Variants in STPG2 observed in about 807,000 individuals in gnomAD.
STPG2 encodes sperm tail PG-rich repeat containing 2.
In STPG2, 56 loss-of-function variants were observed where a neutral mutation model predicts 54.2. The ratio of observed to expected loss-of-function variants is 1.03; its 90% confidence interval spans 0.83 to 1.29. The LOEUF (loss-of-function observed/expected upper bound fraction) is 1.29. STPG2 is among the 50% of genes most tolerant of loss of function. The probability of loss-of-function intolerance (pLI) is 0.00; values close to 1 mark genes in which losing one functional copy is unlikely to be tolerated. For synonymous variants in STPG2, 200 were observed against 181.8 expected, an observed-to-expected ratio of 1.10 and a Z score of -0.81; for missense variants, 596 against 544.9, an observed-to-expected ratio of 1.09 and a Z score of -0.93.
At chr4:98,091,212 T>G (rs766547549) in intron 5 of STPG2, among the ~76,000 whole-genome samples, 28 of 152,192 alleles carry the variant, frequency 1.8e-4, no homozygotes, top group South Asian at 1.0e-3. Flanking sequence ...AGGCATTCAC[T>G]ATGTGAACCA....
rs149552582 is a variant in STPG2 at position 97,782,457 on chromosome 4, T to G, written c.1204+58316A>C. 3.9e-3 allele frequency among the ~76,000 whole-genome samples: 600 copies of G among 152,304 alleles called. 1 individual carries two copies. Among genetic ancestry groups the G allele is most frequent in the African/African-American group, 0.014 (565 of 41,570 alleles). On this transcript the variant is annotated intron_variant, in intron 9 of 10. Coordinates refer to ENST00000295268, the MANE Select transcript of STPG2 (RefSeq NM_174952.3). ...CACAAACAAATGGAAGAACATTCCA[T>G]GCTCATGGATAGGAAGAATCAATAT...
At chr4:97,590,664 CACACACACAG>C (rs1360566387) in intron 10 of STPG2, among the ~76,000 whole-genome samples, 1 of 151,078 alleles carries the variant, frequency 6.6e-6, no homozygotes, top group African/African-American at 2.4e-5. Context: ...CACACACACA[CACACACACAG>C]AGAGAAACAT....
chr4:97,755,525 C>A (rs181874182), intron 9 of STPG2, among the ~76,000 whole-genome samples: 1 of 152,210 alleles, frequency 6.6e-6, no homozygotes, highest in Admixed American at 6.5e-5. Flanking sequence ...TTGCCAATTT[C>A]TTTAAGAAAA....
intron 9 of STPG2, among the ~76,000 whole-genome samples, chr4:97,735,724 A>G (rs1724963791): frequency 6.6e-6 from 1 of 151,150 alleles, no homozygotes; most frequent in Admixed American, 6.6e-5. Context: ...TATCATTACA[A>G]TATATAGGGA....
At chr4:98,114,023 T>C (rs17027244) in intron 3 of STPG2, among the ~76,000 whole-genome samples, 7,068 of 148,162 alleles carry the variant, frequency 0.048, 245 homozygotes, top group Admixed American at 0.13. Context: ...GGAGAAACCC[T>C]AGCATCCACT....
At chr4:97,668,710 GAA>G (rs1722329805) in intron 10 of STPG2, among the ~76,000 whole-genome samples, 1 of 151,548 alleles carries the variant, frequency 6.6e-6, no homozygotes. Flanking sequence ...AAAAACAAAA[GAA>G]AAGAAAAATT....
At chr4:97,834,504 T>C (rs1424358893) in intron 9 of STPG2, among the ~76,000 whole-genome samples, 2 of 152,078 alleles carry the variant, frequency 1.3e-5, no homozygotes, top group Non-Finnish European at 2.9e-5. Context: ...ACTTAAAGTA[T>C]CATAAAAAAT....
intron 4 of STPG2, among the ~76,000 whole-genome samples, chr4:97,535,112 T>G (rs1039828302): frequency 6.6e-6 from 1 of 152,232 alleles, no homozygotes; most frequent in Non-Finnish European, 1.5e-5. Flanking sequence ...GGTTTTCTTA[T>G]GAACATAGCT....
At chr4:97,834,671 T>A (rs1229859775) in intron 9 of STPG2, among the ~76,000 whole-genome samples, 2 of 152,080 alleles carry the variant, frequency 1.3e-5, no homozygotes, top group Non-Finnish European at 2.9e-5. Flanking sequence ...GATGCTAGTC[T>A]CATCAGTTGT....
intron 4 of STPG2, among the ~76,000 whole-genome samples, chr4:97,536,165 T>C (rs918849733): frequency 2.1e-4 from 32 of 152,324 alleles, no homozygotes; most frequent in African/African-American, 7.7e-4. Flanking sequence ...TATTGCTTCA[T>C]CTTCAAGGTC....
intron 9 of STPG2, among the ~76,000 whole-genome samples, chr4:97,810,691 T>C (rs761996256): frequency 1.2e-4 from 18 of 151,960 alleles, no homozygotes; most frequent in Non-Finnish European, 2.5e-4. Flanking sequence ...CTAAATAAAG[T>C]GTAATAGGAA....
At chr4:97,701,809 C>T (rs933157821) in intron 10 of STPG2, among the ~76,000 whole-genome samples, 1 of 152,210 alleles carries the variant, frequency 6.6e-6, no homozygotes, top group Non-Finnish European at 1.5e-5. Context: ...GCTGCTTTGT[C>T]TCTGCTGTCC....
chr4:98,023,776 T>G (rs1039123697), intron 5 of STPG2, among the ~76,000 whole-genome samples: 1 of 152,190 alleles, frequency 6.6e-6, no homozygotes, highest in Non-Finnish European at 1.5e-5. Flanking sequence ...TGCAGTTTGA[T>G]CTCAGACTGC....
chr4:97,691,021 G>A (rs1042086177), intron 10 of STPG2, among the ~76,000 whole-genome samples: 1 of 152,176 alleles, frequency 6.6e-6, no homozygotes, highest in Non-Finnish European at 1.5e-5. Flanking sequence ...CAATTAGTGT[G>A]ACTTTTGAAA....
intron 8 of STPG2, among the ~76,000 whole-genome samples, chr4:97,867,352 T>G (rs1243279147): frequency 3.9e-5 from 6 of 151,982 alleles, no homozygotes; most frequent in Admixed American, 3.9e-4. Flanking sequence ...CACATTTTCA[T>G]TTATATTGGA....
intron 10 of STPG2, among the ~76,000 whole-genome samples, chr4:97,679,462 T>C (rs907668964): frequency 2.6e-5 from 4 of 152,066 alleles, no homozygotes; most frequent in African/African-American, 7.2e-5. Flanking sequence ...TGCCCACTTT[T>C]TGATGGGGTT....
intron 10 of STPG2, among the ~76,000 whole-genome samples, chr4:97,649,023 ACTT>A (rs1242705239): frequency 6.6e-6 from 1 of 152,044 alleles, no homozygotes; most frequent in Non-Finnish European, 1.5e-5. Context: ...ATGGTACTTG[ACTT>A]CTTTTTTCAC....
At chr4:97,591,005 T>C (rs1306437669) in intron 10 of STPG2, among the ~76,000 whole-genome samples, 1 of 152,156 alleles carries the variant, frequency 6.6e-6, no homozygotes, top group Admixed American at 6.6e-5. Context: ...TAAACAATTA[T>C]ATTGAAGTTG....
intron 8 of STPG2, among the ~76,000 whole-genome samples, chr4:97,874,979 G>T (rs1730121554): frequency 6.6e-6 from 1 of 151,892 alleles, no homozygotes; most frequent in African/African-American, 2.4e-5. Context: ...CCAATTGAAG[G>T]TAATTTGTTA....
Sources: allele counts gnomAD v4.1 joint callset (sites outside exome capture counted in the v4.1 genomes callset), GRCh38; gene constraint gnomAD v4.1.1; transcripts MANE v1.5; gene names NCBI Gene and HGNC (gene_info 2026-07-23, HGNC 2026-07-21).